SLC22A9: variants seen among roughly 807,000 people sequenced by gnomAD.
SLC22A9 encodes solute carrier family 22 member 9, also known as organic anion transporter 7.
A neutral mutation model predicts 50.1 loss-of-function variants in SLC22A9; 64 were observed. The observed-to-expected ratio is 1.28, with a 90% CI of 1.04 to 1.57. The LOEUF is 1.57. SLC22A9 is among the 40% of genes most tolerant of loss of function. SLC22A9 has a pLI of 0.00. For missense variants in SLC22A9, 757 were observed against 676.1 expected (o/e 1.12, Z -1.33); for synonymous variants, 261 against 242.5 (o/e 1.08, Z -0.71).
chr11:63,401,813 A>T (rs2014956384), intron 6 of SLC22A9, among the ~76,000 whole-genome samples: 1 of 152,092 alleles, frequency 6.6e-6, no homozygotes. Context: ...CTGGTGTAAG[A>T]TGCTATCTCA....
chr11:63,372,342 ATTAATAATAGG>A (rs2014375615), intron 2 of SLC22A9, among the ~76,000 whole-genome samples: 1 of 152,206 alleles, frequency 6.6e-6, no homozygotes, highest in Non-Finnish European at 1.5e-5. Context: ...CTATAATTTC[ATTAATAATAGG>A]TTAATAAATA....
chr11:63,408,962 A>C, intron 9 of SLC22A9, 83 bp downstream of exon 9: 1 of 1,417,416 alleles, frequency 7.1e-7, no homozygotes, highest in African/African-American at 1.4e-5. Flanking sequence ...ATTTAGGGCC[A>C]CTGTCCTCTC....
Position 63,408,865 on chromosome 11 carries a change from G to T in SLC22A9, c.1587G>T (p.Gln529His). Residue 529 changes from glutamine to histidine, a missense_variant, in exon 9 of 10, where the codon CAG (glutamine) becomes CAT (histidine). Physicochemically the swap from Gln to His is conservative, Grantham distance 24. Transcript: ENST00000279178. ...TRNKPLFDTI[Q>H]DEKNERKDPR... is the part of the protein sequence containing the mutation. Reference sequence around the variant, plus strand: ...ACAAGCCTCTGTTTGACACCATCCAGGATGAGAAAAATGAGTGAGTAAATA... The same window carrying T: ...ACAAGCCTCTGTTTGACACCATCCATGATGAGAAAAATGAGTGAGTAAATA... 6.2e-7 allele frequency: 1 copy of T among 1,613,880 alleles called. No individual in the cohort carries two copies. Among genetic ancestry groups the T allele is most frequent in the Non-Finnish European group, 8.5e-7 (1 of 1,179,866 alleles).
intron 5 of SLC22A9, among the ~76,000 whole-genome samples, chr11:63,381,701 CA>C (rs779635649): frequency 6.6e-6 from 1 of 152,086 alleles, no homozygotes; most frequent in Non-Finnish European, 1.5e-5. Context: ...AGCCAAGAAC[CA>C]AAATGAGTTC....
intron 5 of SLC22A9, among the ~76,000 whole-genome samples, chr11:63,381,504 G>A (rs2014559706): frequency 6.6e-6 from 1 of 152,074 alleles, no homozygotes; most frequent in Non-Finnish European, 1.5e-5. Context: ...CTTTCTAAAA[G>A]TGTTCTGGGC....
intron 6 of SLC22A9, among the ~76,000 whole-genome samples, chr11:63,382,517 C>T (rs557371933): frequency 1.6e-4 from 24 of 152,282 alleles, no homozygotes; most frequent in Non-Finnish European, 2.4e-4. Context: ...TGGACACCAA[C>T]GCAGAGAACT....
Position 63,408,808 on chromosome 11 carries a change from C to T in SLC22A9, c.1530C>T (p.Gly510=), listed in dbSNP as rs754572903. ...ATGGAGTCTTCCCCTTCATCTCTGG[C>T]TTTGCTTTCCTCCTCCTTCCTGAAA... The part of the protein sequence containing the change: ...IIYGVFPFIS[G]FAFLLLPETR... The change falls in exon 9 of 10, where the codon GGC becomes GGT. Residue 510 remains glycine (G), a synonymous_variant. Transcript: ENST00000279178. The T allele has an allele frequency of 3.7e-6, 6 of 1,613,996 alleles. No individual in the cohort carries two copies. The highest frequency in any genetic ancestry group is 5.1e-6 in the Non-Finnish European group (6 of 1,179,930).
intron 5 of SLC22A9, among the ~76,000 whole-genome samples, chr11:63,377,004 TA>T (rs2014471912): frequency 3.3e-5 from 5 of 152,130 alleles, no homozygotes; most frequent in Non-Finnish European, 7.4e-5. Flanking sequence ...TTAACTATCT[TA>T]AATATATATG....
chr11:63,396,469 A>G (rs1395432607), intron 6 of SLC22A9, among the ~76,000 whole-genome samples: 1 of 152,120 alleles, frequency 6.6e-6, no homozygotes, highest in African/African-American at 2.4e-5. Context: ...CAGTTTCCCC[A>G]GTGGGGGTGC....
chr11:63,408,887 A>G lies in SLC22A9; in HGVS notation c.1601+8A>G. 6.2e-7 allele frequency: 1 copy of G among 1,613,766 alleles called. No homozygotes were observed. The highest frequency in any genetic ancestry group is 8.5e-7 in the Non-Finnish European group (1 of 1,179,776). ...CCAGGATGAGAAAAATGAGTGAGTA[A>G]ATAGCCCGGTTGCCCCTCAGAGGAT... On this transcript the variant is annotated splice_region_variant and intron_variant, in intron 9 of 9. Transcript: ENST00000279178.
intron 5 of SLC22A9, among the ~76,000 whole-genome samples, chr11:63,379,997 G>A (rs1250313047): frequency 6.6e-6 from 1 of 152,034 alleles, no homozygotes; most frequent in East Asian, 1.9e-4. Flanking sequence ...CTCCCAAAGT[G>A]CTGGGATTAC....
At chr11:63,389,787 C>T (rs1207903423) in intron 6 of SLC22A9, among the ~76,000 whole-genome samples, 5 of 152,164 alleles carry the variant, frequency 3.3e-5, no homozygotes, top group Non-Finnish European at 4.4e-5. Context: ...AACTAATTTA[C>T]ACTCCCACTA....
At chr11:63,374,119 G>A (rs979805780) in intron 4 of SLC22A9, 57 bp downstream of exon 4, 1 of 1,479,322 alleles carries the variant, frequency 6.8e-7, no homozygotes. Flanking sequence ...AATGTATGTG[G>A]AACTAGGACA....
At chr11:63,371,810 A>G (rs1470580950) in intron 2 of SLC22A9, among the ~76,000 whole-genome samples, 2 of 152,188 alleles carry the variant, frequency 1.3e-5, no homozygotes, top group Non-Finnish European at 2.9e-5. Context: ...GGATAATACT[A>G]TCTCAGTCTG....
chr11:63,378,636 A>C (rs2014506928), intron 5 of SLC22A9, among the ~76,000 whole-genome samples: 1 of 152,186 alleles, frequency 6.6e-6, no homozygotes, highest in African/African-American at 2.4e-5. Flanking sequence ...GTTGTAGCCC[A>C]AAAGCTCCTT....
intron 2 of SLC22A9, among the ~76,000 whole-genome samples, chr11:63,373,395 T>C (rs753009514): frequency 1.3e-5 from 2 of 152,180 alleles, no homozygotes; most frequent in African/African-American, 2.4e-5. Context: ...CCCTGTCTTA[T>C]GTGGTTTCAA....
Position 63,410,198 on chromosome 11 carries a change from G to C in SLC22A9, c.*336G>C. 6.7e-6 allele frequency: 1 copy of C among 149,344 alleles called. No individual in the cohort carries two copies. The highest frequency in any genetic ancestry group is 1.4e-5 in the Non-Finnish European group (1 of 73,546). The allele number at this position is 149,344 out of a possible 1,614,324, so 9.3% of individuals were successfully genotyped here. A position where few individuals can be genotyped will look rare whatever the true frequency, so the allele number is the denominator to read the frequency against. ...TGGAAATTGCAATGAGCCAAGATTG[G>C]GCCACTGCATTCCAGCCTGGTGACA... is the stretch of plus-strand genomic sequence containing the variant. On this transcript the variant is annotated 3_prime_UTR_variant, in exon 10 of 10. Transcript: ENST00000279178.
In SLC22A9 at chr11:63,371,170, A is replaced by T; in HGVS notation, c.438A>T (p.Ser146=). The change falls in exon 2 of 10, where the codon TCA becomes TCT. Residue 146 remains serine (S), a synonymous_variant. Transcript: ENST00000279178. ...TATGTGACTCTCAATCACTGACTTCAGTGGCTAAATTTGTATTCATGGCTG... is the reference window on the plus strand; with the variant it reads ...TATGTGACTCTCAATCACTGACTTCTGTGGCTAAATTTGTATTCATGGCTG... The part of the protein sequence containing the change: ...DLVCDSQSLT[S]VAKFVFMAGM... 6.2e-7 allele frequency: 1 copy of T among 1,613,410 alleles called. No individual in the cohort carries two copies. Among genetic ancestry groups the T allele is most frequent in the Non-Finnish European group, 8.5e-7 (1 of 1,179,530 alleles).
At chr11:63,393,161 T>A (rs1470688322) in intron 6 of SLC22A9, among the ~76,000 whole-genome samples, 2 of 152,152 alleles carry the variant, frequency 1.3e-5, no homozygotes, top group African/African-American at 2.4e-5. Context: ...CCATGATTTC[T>A]TTCAGCAGTG....
Sources: allele counts gnomAD v4.1 joint callset (sites outside exome capture counted in the v4.1 genomes callset), GRCh38; gene constraint gnomAD v4.1.1; transcripts MANE v1.5; gene names NCBI Gene and HGNC (gene_info 2026-07-23, HGNC 2026-07-21).